The following ACBD6 variants were observed in gnomAD, a reference collection of about 807,000 sequenced individuals.
ACBD6 encodes acyl-CoA binding domain containing 6.
ACBD6 carries 28 observed loss-of-function variants against 37.2 expected under a neutral mutation model. That is an observed-to-expected ratio of 0.75 (90% CI 0.56 to 1.03). The LOEUF is 1.03. ACBD6 is among the 50% of genes least tolerant of loss of function. The pLI, the probability that ACBD6 is intolerant of heterozygous loss-of-function variation, is 0.00. For synonymous variants in ACBD6, 113 were observed against 126.8 expected, an observed-to-expected ratio of 0.89 and a Z score of 0.73; for missense variants, 340 against 337.4, an observed-to-expected ratio of 1.01 and a Z score of -0.06.
intron 6 of ACBD6, among the ~76,000 whole-genome samples, chr1:180,334,153 C>T (rs1205190820): frequency 6.6e-6 from 1 of 152,216 alleles, no homozygotes; most frequent in Non-Finnish European, 1.5e-5. Context: ...TGTCTGACAG[C>T]TTTGAAGAGA....
intron 3 of ACBD6, chr1:180,434,768 C>A: frequency 1.6e-6 from 1 of 638,380 alleles, no homozygotes; most frequent in Non-Finnish European, 2.9e-6. Flanking sequence ...ATAGCCGCAA[C>A]CGAGCCTGCT....
At chr1:180,377,533 T>C (rs1319295607) in intron 6 of ACBD6, among the ~76,000 whole-genome samples, 1 of 152,186 alleles carries the variant, frequency 6.6e-6, no homozygotes, top group Admixed American at 6.5e-5. Context: ...AATAGCCAGT[T>C]CTTCCTTATA....
At chr1:180,345,956 ACCTAGCCTGTAGCAGCTC>A (rs546865776) in intron 6 of ACBD6, among the ~76,000 whole-genome samples, 82 of 152,272 alleles carry the variant, frequency 5.4e-4, no homozygotes, top group African/African-American at 1.4e-3. Flanking sequence ...ATGTAGCAAA[ACCTAGCCTGTAGCAGCTC>A]CCTAGCCTGT....
exon 10 of ACBD6, chr1:180,274,829 C>G (rs535856338): frequency 8.0e-5 from 35 of 437,756 alleles, no homozygotes; most frequent in Middle Eastern, 5.8e-4. Flanking sequence ...TCTAGGGACA[C>G]TGGCTTGTTG....
intron 6 of ACBD6, among the ~76,000 whole-genome samples, chr1:180,369,923 G>A (rs567177262): frequency 6.6e-6 from 1 of 152,252 alleles, no homozygotes; most frequent in East Asian, 1.9e-4. Flanking sequence ...AGAAAGTCAC[G>A]AAGCATTCAA....
intron 1 of ACBD6, among the ~76,000 whole-genome samples, chr1:180,496,429 C>T (rs1346359718): frequency 6.6e-6 from 1 of 152,156 alleles, no homozygotes. Flanking sequence ...CAGAACCTAT[C>T]TACTTCTCAG....
intron 2 of ACBD6, among the ~76,000 whole-genome samples, chr1:180,492,686 TCAAA>T (rs2102091308): frequency 6.6e-6 from 1 of 152,310 alleles, no homozygotes; most frequent in Non-Finnish European, 1.5e-5. Flanking sequence ...TATAATTTCC[TCAAA>T]CAAAATTTCA....
intron 3 of ACBD6, among the ~76,000 whole-genome samples, chr1:180,467,002 T>C (rs952358446): frequency 6.6e-6 from 1 of 152,166 alleles, no homozygotes; most frequent in Admixed American, 6.5e-5. Flanking sequence ...TCCCCAAAGA[T>C]TAACACTAGA....
chr1:180,314,162 G>A (rs1054914220), intron 7 of ACBD6, among the ~76,000 whole-genome samples: 2 of 152,060 alleles, frequency 1.3e-5, no homozygotes, highest in Non-Finnish European at 2.9e-5. Context: ...GGGCTAGCAC[G>A]GTCTCTATTT....
At chr1:180,407,277 T>C (rs1192218223) in intron 5 of ACBD6, among the ~76,000 whole-genome samples, 2 of 152,200 alleles carry the variant, frequency 1.3e-5, no homozygotes, top group East Asian at 1.9e-4. Context: ...CATCTGTTCA[T>C]GAAATACAAC....
chr1:180,418,087 TTATAAA>T (rs1298637958), intron 4 of ACBD6, among the ~76,000 whole-genome samples: 2 of 152,054 alleles, frequency 1.3e-5, no homozygotes, highest in East Asian at 3.9e-4. Flanking sequence ...AATCTTAATT[TTATAAA>T]TATAATTTTT....
intron 6 of ACBD6, among the ~76,000 whole-genome samples, chr1:180,355,157 T>C (rs949026443): frequency 2.0e-5 from 3 of 152,184 alleles, no homozygotes; most frequent in African/African-American, 7.2e-5. Flanking sequence ...AACCACCTTA[T>C]GAAATAGGTA....
At chr1:180,271,266 G>A in exon 14 of ACBD6, 2 of 1,194,944 alleles carry the variant, frequency 1.7e-6, no homozygotes, top group Non-Finnish European at 2.5e-6. Context: ...GCCTCGCGCT[G>A]TCCTGCCTAC....
chr1:180,353,680 T>C lies in ACBD6; in HGVS notation c.664-38958A>G, dbSNP rs546984805. 4.0e-5 allele frequency among the ~76,000 whole-genome samples: 6 copies of C among 150,842 alleles called. 1 individual carries two copies. The highest frequency in any genetic ancestry group is 2.6e-4 in the Admixed American group (4 of 15,118). On this transcript the variant is annotated intron_variant, in intron 6 of 7. Coordinates refer to ENST00000367595, the MANE Select transcript of ACBD6 (RefSeq NM_032360.4). ...TCCCATAATCTATATTAAAAATTTA[T>C]TTGTATCCTGCTGACTTACAAAAAT...
intron 1 of ACBD6, among the ~76,000 whole-genome samples, chr1:180,499,845 T>C (rs895097647): frequency 4.6e-5 from 7 of 152,214 alleles, no homozygotes; most frequent in Admixed American, 1.3e-4. Context: ...CTATAATTTA[T>C]ACCATTTGTT....
intron 1 of ACBD6, among the ~76,000 whole-genome samples, chr1:180,498,712 A>G (rs1474057436): frequency 6.6e-6 from 1 of 151,988 alleles, no homozygotes; most frequent in Non-Finnish European, 1.5e-5. Flanking sequence ...ACAAAAATCA[A>G]TCAGGTGCGG....
At chr1:180,274,779 C>CTCA (rs1373918979) in exon 10 of ACBD6, 4 of 622,680 alleles carry the variant, frequency 6.4e-6, no homozygotes, top group South Asian at 4.4e-5. Context: ...GGAGAGCAGA[C>CTCA]TCATCTCAGA....
At chr1:180,445,879 A>G (rs979857614) in intron 3 of ACBD6, among the ~76,000 whole-genome samples, 3 of 152,264 alleles carry the variant, frequency 2.0e-5, no homozygotes, top group Non-Finnish European at 4.4e-5. Context: ...ATTCACACCA[A>G]GATCCTTTGA....
intron 3 of ACBD6, among the ~76,000 whole-genome samples, chr1:180,457,456 A>G (rs1477504902): frequency 1.3e-5 from 2 of 149,082 alleles, no homozygotes; most frequent in African/African-American, 2.4e-5. Context: ...CGTCTCTCTT[A>G]CTCCATCTCA....
Sources: allele counts gnomAD v4.1 joint callset (sites outside exome capture counted in the v4.1 genomes callset), GRCh38; gene constraint gnomAD v4.1.1; transcripts MANE v1.5; gene names NCBI Gene and HGNC (gene_info 2026-07-23, HGNC 2026-07-21).